WSCD1: variants seen among roughly 807,000 people sequenced by gnomAD.
WSCD1 encodes the protein WSC domain sialate O sulfotransferase 1, also known as sialate:O-sulfotransferase 1.
A neutral mutation model predicts 60.4 loss-of-function variants in WSCD1; 41 were observed. The observed-to-expected ratio is 0.68, with a 90% confidence interval of 0.53 to 0.88. WSCD1 has a LOEUF of 0.88. WSCD1 is among the 40% of genes least tolerant of loss of function. The pLI is 0.00. For synonymous variants in WSCD1, 361 were observed against 332.5 expected, an observed-to-expected ratio of 1.09 and a Z score of -0.93; for missense variants, 784 against 796.2, an observed-to-expected ratio of 0.98 and a Z score of 0.18.
chr17:6,114,617 AAAG>A (rs1694607145), intron 7 of WSCD1, among the ~76,000 whole-genome samples: 3 of 152,070 alleles, frequency 2.0e-5, no homozygotes, highest in African/African-American at 7.2e-5. Flanking sequence ...TGCACCCCAT[AAAG>A]AAGATGTACA....
At chr17:6,094,519 G>C (rs542979964) in intron 4 of WSCD1, among the ~76,000 whole-genome samples, 2 of 150,992 alleles carry the variant, frequency 1.3e-5, no homozygotes, top group African/African-American at 4.9e-5. Flanking sequence ...CCTAGTAAAA[G>C]CACCATCCAA....
At chr17:6,085,132 C>G (rs1037699765) in intron 2 of WSCD1, 4 of 152,154 alleles carry the variant, frequency 2.6e-5, no homozygotes, top group East Asian at 1.9e-4. Flanking sequence ...ATCACACGTC[C>G]CAGGTTAGAG....
At chr17:6,115,077 C>A (rs1199908168) in intron 7 of WSCD1, among the ~76,000 whole-genome samples, 1 of 152,270 alleles carries the variant, frequency 6.6e-6, no homozygotes, top group East Asian at 1.9e-4. Flanking sequence ...TTGGTCCTGG[C>A]CCACACCCCT....
At chr17:6,113,945 A>C (rs1193977856) in intron 7 of WSCD1, among the ~76,000 whole-genome samples, 1 of 152,134 alleles carries the variant, frequency 6.6e-6, no homozygotes, top group East Asian at 1.9e-4. Context: ...CTCCTCAAAA[A>C]AAAGTAGAAT....
At chr17:6,091,517 G>A (rs1910040110) in intron 4 of WSCD1, among the ~76,000 whole-genome samples, 1 of 152,294 alleles carries the variant, frequency 6.6e-6, no homozygotes. Context: ...ATTGGACCCT[G>A]AAGGGGCCCA....
intron 5 of WSCD1, among the ~76,000 whole-genome samples, chr17:6,097,005 C>T (rs528090667): frequency 3.3e-5 from 5 of 152,248 alleles, no homozygotes; most frequent in South Asian, 2.1e-4. Flanking sequence ...CTGCTTGCTG[C>T]GAGAGGCTGG....
At chr17:6,102,730 A>G (rs577010672) in intron 5 of WSCD1, among the ~76,000 whole-genome samples, 2 of 152,080 alleles carry the variant, frequency 1.3e-5, no homozygotes, top group African/African-American at 4.8e-5. Flanking sequence ...TTCTCATTGA[A>G]TATGTTGTGA....
intron 1 of WSCD1, among the ~76,000 whole-genome samples, chr17:6,077,088 C>CT (rs34145700): frequency 0.02 from 2,405 of 122,406 alleles, 40 homozygotes; most frequent in African/African-American, 0.038. Context: ...GTTCCTGATG[C>CT]TTTTTTTTTT....
chr17:6,098,893 G>A (rs1187660697), intron 5 of WSCD1, among the ~76,000 whole-genome samples: 1 of 152,212 alleles, frequency 6.6e-6, no homozygotes, highest in Non-Finnish European at 1.5e-5. Flanking sequence ...AGGCTTGGAA[G>A]GAGGCTGAGA....
At chr17:6,078,545 C>G (rs1354928104) in intron 1 of WSCD1, among the ~76,000 whole-genome samples, 1 of 151,910 alleles carries the variant, frequency 6.6e-6, no homozygotes, top group African/African-American at 2.4e-5. Flanking sequence ...CCCGGTGGCT[C>G]TGCTGGAATG....
intron 5 of WSCD1, among the ~76,000 whole-genome samples, chr17:6,107,556 C>T (rs781509082): frequency 4.6e-5 from 7 of 151,954 alleles, no homozygotes; most frequent in Non-Finnish European, 8.8e-5. Context: ...CATTCTAAGG[C>T]CCTGGGGTTA....
chr17:6,090,519 C>A lies in WSCD1; in HGVS notation c.727+14C>A, dbSNP rs1445318760. The A allele has an allele frequency of 6.2e-7, 1 of 1,611,436 alleles. No individual in the cohort carries two copies. The highest frequency in any genetic ancestry group is 1.7e-5 in the Admixed American group (1 of 59,632). On this transcript the variant is annotated intron_variant, in intron 4 of 8. Coordinates refer to ENST00000317744, the MANE Select transcript of WSCD1 (RefSeq NM_015253.2). Reference sequence around the variant, plus strand: ...GCTCCAGGAAGCGTGAGTGTGCCAGCCTCTTCCTGAGCTTTGTCCGTCTGT... The same window carrying A: ...GCTCCAGGAAGCGTGAGTGTGCCAGACTCTTCCTGAGCTTTGTCCGTCTGT...
chr17:6,099,687 G>C (rs1010640962), intron 5 of WSCD1, among the ~76,000 whole-genome samples: 1 of 152,056 alleles, frequency 6.6e-6, no homozygotes, highest in Non-Finnish European at 1.5e-5. Context: ...GGGAGGGCCA[G>C]GTTTTTCAAG....
intron 1 of WSCD1, among the ~76,000 whole-genome samples, chr17:6,073,840 A>G (rs2150525131): frequency 6.6e-6 from 1 of 152,374 alleles, no homozygotes; most frequent in East Asian, 1.9e-4. Flanking sequence ...CATGAAGACC[A>G]TGTGATATGG....
Position 6,124,233 on chromosome 17 carries a change from G to C in WSCD1, c.*3572G>C, listed in dbSNP as rs567688524. ...GGTAGTAGTATTCCTGGGTCTTTATGATGACCACCTTGGGCCTTGGGATCA... is the reference window on the plus strand; with the variant it reads ...GGTAGTAGTATTCCTGGGTCTTTATCATGACCACCTTGGGCCTTGGGATCA... On this transcript the variant is annotated 3_prime_UTR_variant, in exon 9 of 9. Transcript: ENST00000317744. The C allele has an allele frequency of 6.6e-6, 1 of 152,286 alleles. No individual in the cohort carries two copies. Among genetic ancestry groups the C allele is most frequent in the South Asian group, 2.1e-4 (1 of 4,816 alleles). The allele number at this position is 152,286 out of a possible 1,614,324, so 9.4% of individuals were successfully genotyped here.
intron 5 of WSCD1, among the ~76,000 whole-genome samples, chr17:6,106,791 C>T (rs1170371729): frequency 6.6e-6 from 1 of 151,868 alleles, no homozygotes; most frequent in Non-Finnish European, 1.5e-5. Context: ...AAGGGGGTGG[C>T]CAGGGAAGGC....
Position 6,086,249 on chromosome 17 carries a change from T to TTATATATATATATATATATATA in WSCD1, c.428-1741_428-1740insTATATATATATATATATATATA, listed in dbSNP as rs1481687453. ...TGCAGTCAGTAAGACCGTCCTGACT[T>TTATATATATATATATATATATA]CATATATATATATATATATATATAT... On this transcript the variant is annotated intron_variant, in intron 2 of 8. Transcript: ENST00000317744. 3.8e-4 allele frequency among the ~76,000 whole-genome samples: 27 copies of TTATATATATATATATATATATA among 71,222 alleles called. 1 individual carries two copies. The highest frequency in any genetic ancestry group is 1.4e-3 in the African/African-American group (24 of 17,594). 46.7% of individuals were successfully genotyped at this position (71,222 alleles called of 152,430 possible).
rs183299888 is a variant in WSCD1 at position 6,077,116 on chromosome 17, G to C, written c.-288-3255G>C. 6.2e-5 allele frequency among the ~76,000 whole-genome samples: 9 copies of C among 144,848 alleles called. No homozygotes were observed. The East Asian group carries it at 1.8e-3, about 29-fold the overall frequency. ...TTTTTTTTTTTTTTTTTGAGACAGAGTCTTGCTCTGTCACCAGGCTGGAGT... is the reference window on the plus strand; with the variant it reads ...TTTTTTTTTTTTTTTTTGAGACAGACTCTTGCTCTGTCACCAGGCTGGAGT... On this transcript the variant is annotated intron_variant, in intron 1 of 8. Transcript: ENST00000317744.
intron 2 of WSCD1, among the ~76,000 whole-genome samples, chr17:6,083,178 G>A (rs781405503): frequency 3.9e-5 from 6 of 152,300 alleles, no homozygotes; most frequent in Middle Eastern, 3.4e-3. Flanking sequence ...TGACCGGCAG[G>A]AGTCAACGTT....
Sources: gnomAD v4.1 joint callset for allele counts (sites outside exome capture counted in the v4.1 genomes callset) on GRCh38, gnomAD v4.1.1 for gene constraint, MANE v1.5 for transcripts, NCBI Gene and HGNC (gene_info 2026-07-23, HGNC 2026-07-21) for gene names.